Variants in EPB41L3 observed in about 807,000 individuals in gnomAD.
EPB41L3 encodes the protein erythrocyte membrane protein band 4.1 like 3, also known as band 4.1-like protein 3.
A neutral mutation model predicts 127.1 loss-of-function variants in EPB41L3; 57 were observed. The ratio of observed to expected loss-of-function variants is 0.45; its 90% CI spans 0.36 to 0.56. The LOEUF is 0.56. EPB41L3 is among the 20% of genes least tolerant of loss of function. The probability of loss-of-function intolerance (pLI) is 0.00; values close to 1 mark genes in which losing one functional copy is unlikely to be tolerated. For missense variants in EPB41L3, 1,273 were observed against 1,372.2 expected (o/e 0.93, Z 1.14); for synonymous variants, 572 against 549.5 (o/e 1.04, Z -0.57).
At chr18:5,607,437 A>T (rs1476751974) in intron 3 of EPB41L3, among the ~76,000 whole-genome samples, 2 of 152,186 alleles carry the variant, frequency 1.3e-5, no homozygotes, top group African/African-American at 2.4e-5. Context: ...AGACGAGCTG[A>T]CCAAGATAAT....
chr18:5,488,860 A>T, intron 2 of EPB41L3, 141 bp downstream of exon 2: 1 of 891,316 alleles, frequency 1.1e-6, no homozygotes, highest in Non-Finnish European at 1.6e-6. Context: ...AAAATAGCAT[A>T]CATTTTCATC....
intron 3 of EPB41L3, among the ~76,000 whole-genome samples, chr18:5,469,648 C>A (rs1012195579): frequency 6.6e-6 from 1 of 152,206 alleles, no homozygotes. Context: ...ATAGGCGCCA[C>A]CCGCCCTAGA....
chr18:5,523,027 A>G (rs1029472158), intron 1 of EPB41L3, among the ~76,000 whole-genome samples: 1 of 152,232 alleles, frequency 6.6e-6, no homozygotes, highest in African/African-American at 2.4e-5. Flanking sequence ...CAATGAAAAT[A>G]ATTCAAGGAC....
chr18:5,429,591 C>A (rs2078697648), intron 8 of EPB41L3, among the ~76,000 whole-genome samples: 1 of 152,074 alleles, frequency 6.6e-6, no homozygotes, highest in Non-Finnish European at 1.5e-5. Context: ...TGGAAATTTC[C>A]AGAATCAGAA....
At chr18:5,503,943 A>G (rs1229273662) in intron 1 of EPB41L3, among the ~76,000 whole-genome samples, 2 of 152,226 alleles carry the variant, frequency 1.3e-5, no homozygotes, top group Non-Finnish European at 2.9e-5. Context: ...CTTGAGAAGA[A>G]TATTAGGTAA....
In EPB41L3 at chr18:5,576,664, T is replaced by C. The variant is rs1302153422; in HGVS notation, c.-306+35676A>G. On this transcript the variant is annotated intron_variant, in intron 3 of 21. Transcript: ENST00000545076. ...ATACGTAAGACTCTGAAGCCTTAAATAGGTTCCTGAGCTGGGCTTGTGGGC... is the reference window on the plus strand; with the variant it reads ...ATACGTAAGACTCTGAAGCCTTAAACAGGTTCCTGAGCTGGGCTTGTGGGC... Among the ~76,000 whole-genome samples, 5 of 152,200 alleles carry C rather than the reference T, an allele frequency of 3.3e-5. No individual in the cohort carries two copies. The East Asian group carries it at 7.7e-4, about 23-fold the overall frequency.
In EPB41L3 at chr18:5,415,302, G is replaced by A. The variant is rs78736151; in HGVS notation, c.2067+516C>T. On this transcript the variant is annotated intron_variant, in intron 13 of 22. Transcript: ENST00000341928. Reference sequence around the variant, plus strand: ...GTAACAATGACTGTCTGGCAATGATGAGCAGAGGGTGGTGGGGACATTTCA... The same window carrying A: ...GTAACAATGACTGTCTGGCAATGATAAGCAGAGGGTGGTGGGGACATTTCA... Among the ~76,000 whole-genome samples the A allele has an allele frequency of 5.5e-3, 842 of 152,306 alleles. 54 individuals are homozygous for A. The East Asian group carries it at 0.12, about 22-fold the overall frequency.
intron 3 of EPB41L3, among the ~76,000 whole-genome samples, chr18:5,450,979 T>C (rs1010729730): frequency 2.6e-5 from 4 of 152,216 alleles, no homozygotes; most frequent in African/African-American, 9.7e-5. Flanking sequence ...ACTACGTGAC[T>C]GCCTGATTTT....
intron 1 of EPB41L3, among the ~76,000 whole-genome samples, chr18:5,502,020 TCGC>T (rs1027300169): frequency 6.7e-6 from 1 of 150,002 alleles, no homozygotes; most frequent in Non-Finnish European, 1.5e-5. Context: ...GCTGGCTCAG[TCGC>T]CATCTTCCCT....
chr18:5,474,509 G>T (rs1239987418), intron 3 of EPB41L3, among the ~76,000 whole-genome samples: 1 of 152,096 alleles, frequency 6.6e-6, no homozygotes, highest in Admixed American at 6.6e-5. Context: ...TCTTTTACAG[G>T]TGACTATAAA....
intron 1 of EPB41L3, among the ~76,000 whole-genome samples, chr18:5,627,811 G>A (rs1217477803): frequency 6.6e-6 from 1 of 152,168 alleles, no homozygotes; most frequent in African/African-American, 2.4e-5. Flanking sequence ...TCATAGCCTA[G>A]CTGCAAACTC....
In EPB41L3 at chr18:5,423,385, C is replaced by T; in HGVS notation, c.1332G>A (p.Leu444=). The T allele has an allele frequency of 6.2e-7, 1 of 1,602,002 alleles. No homozygotes were observed. Among genetic ancestry groups the T allele is most frequent in the South Asian group, 1.1e-5 (1 of 89,884 alleles). ...CCAGTAAGCGATGCCTACCTCCATCCAAGCTGCGAGACATGGTATAACGTT... is the reference window on the plus strand; with the variant it reads ...CCAGTAAGCGATGCCTACCTCCATCTAAGCTGCGAGACATGGTATAACGTT... ...SSKRYTMSRS[L]DGEVGTGQYA... The change falls in exon 11 of 23, where the codon TTG becomes TTA. Residue 444 remains leucine (L), a synonymous_variant. Transcript: ENST00000341928.
At chr18:5,628,256 T>G (rs2094944972) in intron 1 of EPB41L3, among the ~76,000 whole-genome samples, 1 of 152,266 alleles carries the variant, frequency 6.6e-6, no homozygotes, top group South Asian at 2.1e-4. Context: ...GAATTTAGAT[T>G]TAAACCACAG....
At chr18:5,436,437 C>T (rs1473290517) in intron 6 of EPB41L3, among the ~76,000 whole-genome samples, 2 of 118,354 alleles carry the variant, frequency 1.7e-5, no homozygotes, top group African/African-American at 6.2e-5. Flanking sequence ...GAGACGGAGT[C>T]TCACTCTGTT....
At chr18:5,447,448 C>CTTTTTTTTT (rs10694622) in intron 3 of EPB41L3, among the ~76,000 whole-genome samples, 1 of 114,106 alleles carries the variant, frequency 8.8e-6, no homozygotes, top group Non-Finnish European at 1.7e-5. Flanking sequence ...AGCTAGACTA[C>CTTTTTTTTT]TTTTTTTTTT....
chr18:5,435,498 T>A (rs2079637302), intron 6 of EPB41L3, among the ~76,000 whole-genome samples: 2 of 152,214 alleles, frequency 1.3e-5, no homozygotes, highest in Non-Finnish European at 1.5e-5. Flanking sequence ...CATTGTGTTA[T>A]AATTTCCCAC....
At chr18:5,449,562 C>T (rs1449381402) in intron 3 of EPB41L3, among the ~76,000 whole-genome samples, 1 of 152,196 alleles carries the variant, frequency 6.6e-6, no homozygotes, top group East Asian at 1.9e-4. Context: ...ATTGCCAAAA[C>T]TTGGAAGCAA....
chr18:5,533,014 AAATTT>A (rs2093459421), intron 1 of EPB41L3, among the ~76,000 whole-genome samples: 1 of 152,138 alleles, frequency 6.6e-6, no homozygotes, highest in African/African-American at 2.4e-5. Context: ...AAAAGAAATG[AAATTT>A]AATTTATTAA....
chr18:5,527,604 C>T (rs2093273001), intron 1 of EPB41L3, among the ~76,000 whole-genome samples: 1 of 152,102 alleles, frequency 6.6e-6, no homozygotes. Context: ...AACACGAAAA[C>T]ATAAAATGTG....
Sources: gnomAD v4.1 joint callset for allele counts (sites outside exome capture counted in the v4.1 genomes callset) on GRCh38, gnomAD v4.1.1 for gene constraint, MANE v1.5 for transcripts, NCBI Gene and HGNC (gene_info 2026-07-23, HGNC 2026-07-21) for gene names.